The following DIP2C variants were observed in gnomAD, a reference collection of about 807,000 sequenced individuals.
DIP2C encodes the protein disco-interacting protein 2 homolog C.
In DIP2C, 33 loss-of-function variants were observed where a neutral mutation model predicts 192.4. The ratio of observed to expected loss-of-function variants is 0.17; its 90% CI spans 0.13 to 0.23. DIP2C has a LOEUF of 0.23. Among genes scored for constraint, DIP2C ranks in the 10% least tolerant of loss-of-function variants. The pLI is 1.00. For missense variants in DIP2C, 1,537 were observed against 2,110.1 expected (o/e 0.73, Z 5.32); for synonymous variants, 979 against 864.1 (o/e 1.13, Z -2.33).
chr10:297,454 G>A (rs1955816754), intron 32 of DIP2C, among the ~76,000 whole-genome samples: 1 of 152,158 alleles, frequency 6.6e-6, no homozygotes, highest in African/African-American at 2.4e-5. Context: ...GAATGGATAT[G>A]GAAGGTGTGG....
intron 3 of DIP2C, among the ~76,000 whole-genome samples, chr10:467,274 C>T (rs776792702): frequency 4.0e-5 from 6 of 151,444 alleles, no homozygotes; most frequent in Non-Finnish European, 7.4e-5. Context: ...AGTAAACTAT[C>T]GCAAAAACGA....
At chr10:348,012 C>CCCCACACGCA (rs1264588745) in intron 26 of DIP2C, among the ~76,000 whole-genome samples, 4 of 117,536 alleles carry the variant, frequency 3.4e-5, no homozygotes, top group Non-Finnish European at 5.4e-5. Context: ...CTCCCGGAAA[C>CCCCACACGCA]CCCAGACGCG....
Position 536,308 on chromosome 10 carries a change from A to C in DIP2C, c.86-49778T>G, listed in dbSNP as rs370884678. Reference sequence around the variant, plus strand: ...GCCATTGGGACGTAGGACCCACCCTATATCCAGGATATCTCCTGAGAGCAT... The same window carrying C: ...GCCATTGGGACGTAGGACCCACCCTCTATCCAGGATATCTCCTGAGAGCAT... On this transcript the variant is annotated intron_variant, in intron 1 of 36. Transcript: ENST00000280886. Among the ~76,000 whole-genome samples, 63 of 152,312 alleles carry C rather than the reference A, an allele frequency of 4.1e-4. No homozygotes were observed. The East Asian group carries it at 7.1e-3, about 17-fold the overall frequency.
chr10:508,112 C>T (rs1437381810), intron 1 of DIP2C, among the ~76,000 whole-genome samples: 1 of 143,852 alleles, frequency 7.0e-6, no homozygotes, highest in African/African-American at 2.4e-5. Flanking sequence ...CTTCCCCCAA[C>T]GCCTTCCTCC....
intron 3 of DIP2C, among the ~76,000 whole-genome samples, chr10:466,958 T>TA (rs1280123906): frequency 6.7e-6 from 1 of 149,498 alleles, no homozygotes; most frequent in African/African-American, 2.4e-5. Context: ...GTTCAACCAT[T>TA]GTGGAAGTCA....
chr10:515,650 G>A (rs1164983348), intron 1 of DIP2C, among the ~76,000 whole-genome samples: 1 of 152,150 alleles, frequency 6.6e-6, no homozygotes, highest in Non-Finnish European at 1.5e-5. Context: ...CCTGAACCCG[G>A]GAGGCAGAGG....
chr10:342,819 T>C (rs1271495552), intron 28 of DIP2C, among the ~76,000 whole-genome samples: 1 of 152,202 alleles, frequency 6.6e-6, no homozygotes, highest in Non-Finnish European at 1.5e-5. Context: ...CGCATCTTCC[T>C]CTTCCCTAAT....
intron 32 of DIP2C, among the ~76,000 whole-genome samples, chr10:303,421 A>G (rs1956151522): frequency 6.6e-6 from 1 of 152,254 alleles, no homozygotes. Flanking sequence ...TAAATTCCTT[A>G]AAGCTTTTTG....
At chr10:560,003 G>A (rs1435076217) in intron 1 of DIP2C, among the ~76,000 whole-genome samples, 1 of 104,972 alleles carries the variant, frequency 9.5e-6, no homozygotes, top group African/African-American at 3.6e-5. Flanking sequence ...CCCCGATCCA[G>A]TTCTCACCTC....
Position 402,017 on chromosome 10 carries a change from T to C in DIP2C, c.1150-2798A>G, listed in dbSNP as rs557620271. Among the ~76,000 whole-genome samples the C allele has an allele frequency of 6.1e-4, 80 of 130,610 alleles. 1 individual carries two copies. Among genetic ancestry groups the C allele is most frequent in the African/African-American group, 2.1e-3 (71 of 34,190 alleles). The allele number at this position is 130,610 out of a possible 152,430, so 85.7% of individuals were successfully genotyped here. Reference sequence around the variant, plus strand: ...ATGTGTGGTAGCATTAGCATTACTCTTCCTTATGGACAAGTTTGGTATGTG... The same window carrying C: ...ATGTGTGGTAGCATTAGCATTACTCCTCCTTATGGACAAGTTTGGTATGTG... On this transcript the variant is annotated intron_variant, in intron 9 of 36. Transcript: ENST00000280886.
intron 1 of DIP2C, among the ~76,000 whole-genome samples, chr10:607,850 A>AAACAAAGCCAAAGTAGGCC (rs1852610637): frequency 1.3e-5 from 2 of 152,048 alleles, no homozygotes; most frequent in African/African-American, 4.8e-5. Flanking sequence ...CTACAGGTTC[A>AAACAAAGCCAAAGTAGGCC]AACAAAGCCA....
intron 21 of DIP2C, 28 bp from the exon 22 acceptor site, chr10:362,719 G>C (rs763266890): frequency 1.1e-5 from 18 of 1,579,558 alleles, no homozygotes; most frequent in Non-Finnish European, 1.5e-5. Context: ...AGGAAATCAT[G>C]TTATAAGAGG....
chr10:389,181 T>A (rs970408774), intron 13 of DIP2C, among the ~76,000 whole-genome samples: 4 of 148,294 alleles, frequency 2.7e-5, no homozygotes, highest in African/African-American at 1.0e-4. Context: ...CCTCAGGGCA[T>A]CCCAAGGGAT....
chr10:378,458 A>G (rs11252001), intron 17 of DIP2C, among the ~76,000 whole-genome samples: 94,411 of 151,994 alleles, frequency 0.62, 29,595 homozygotes, highest in East Asian at 0.79. Flanking sequence ...CGTGAACACA[A>G]ACATGCCTAG....
At chr10:569,025 A>C (rs1165912229) in intron 1 of DIP2C, among the ~76,000 whole-genome samples, 5 of 152,204 alleles carry the variant, frequency 3.3e-5, no homozygotes, top group African/African-American at 1.2e-4. Flanking sequence ...TTCCTGGCTG[A>C]ACCAATGAAG....
At chr10:616,943 A>T (rs1288060778) in intron 1 of DIP2C, among the ~76,000 whole-genome samples, 3 of 152,176 alleles carry the variant, frequency 2.0e-5, no homozygotes, top group Non-Finnish European at 4.4e-5. Context: ...AATTCCATGG[A>T]CCACCAACCA....
intron 1 of DIP2C, among the ~76,000 whole-genome samples, chr10:522,601 G>C (rs916964902): frequency 5.3e-5 from 8 of 152,232 alleles, no homozygotes; most frequent in Non-Finnish European, 8.8e-5. Context: ...TGCTGGGTGC[G>C]CAGTGGCGCC....
chr10:617,759 T>C (rs957926416), intron 1 of DIP2C, among the ~76,000 whole-genome samples: 3 of 148,026 alleles, frequency 2.0e-5, no homozygotes, highest in African/African-American at 5.0e-5. Context: ...TTGCACGTAA[T>C]GACCTGCCAC....
At chr10:457,997 C>T (rs1364149213) in intron 3 of DIP2C, among the ~76,000 whole-genome samples, 1 of 152,326 alleles carries the variant, frequency 6.6e-6, no homozygotes, top group Admixed American at 6.5e-5. Context: ...CCACACCATC[C>T]AGCATGAGAG....
Sources: allele counts gnomAD v4.1 joint callset (sites outside exome capture counted in the v4.1 genomes callset), GRCh38; gene constraint gnomAD v4.1.1; transcripts MANE v1.5; gene names NCBI Gene and HGNC (gene_info 2026-07-23, HGNC 2026-07-21).